The following UNC5B variants were observed in gnomAD, a reference collection of about 807,000 sequenced individuals.
UNC5B encodes unc-5 netrin receptor B.
A neutral mutation model predicts 103.7 loss-of-function variants in UNC5B; 56 were observed. The observed-to-expected ratio is 0.54, with a 90% CI of 0.44 to 0.67. The LOEUF (loss-of-function observed/expected upper bound fraction) is 0.67, where lower values mean the gene tolerates loss of function less well. Ranked by LOEUF, UNC5B falls within the 30% of genes least tolerant of loss-of-function variation. UNC5B has a pLI of 0.00. For missense variants in UNC5B, 1,194 were observed against 1,284.5 expected, an observed-to-expected ratio of 0.93 and a Z score of 1.08; for synonymous variants, 577 against 542.0, an observed-to-expected ratio of 1.06 and a Z score of -0.90.
chr10:71,219,982 G>A lies in UNC5B; in HGVS notation c.79+6918G>A, dbSNP rs1164251031. Among the ~76,000 whole-genome samples, 5 of 152,274 alleles carry A rather than the reference G, an allele frequency of 3.3e-5. No individual in the cohort carries two copies. The East Asian group carries it at 5.8e-4, about 18-fold the overall frequency. On this transcript the variant is annotated intron_variant, in intron 1 of 16. Coordinates refer to ENST00000335350, the MANE Select transcript of UNC5B (RefSeq NM_170744.5). ...GGGTATGTGGGCAGGGGTGCCAGCC[G>A]ACCTCTCCTTACTCTTGGGAAATTT... is the stretch of plus-strand genomic sequence containing the variant.
chr10:71,273,306 A>C (rs1057085363), intron 1 of UNC5B, among the ~76,000 whole-genome samples: 5 of 152,244 alleles, frequency 3.3e-5, no homozygotes, highest in Non-Finnish European at 7.3e-5. Context: ...GGGGAAACTG[A>C]GGCTCTGAGA....
chr10:71,255,100 C>T (rs184226454), intron 1 of UNC5B, among the ~76,000 whole-genome samples: 8 of 152,282 alleles, frequency 5.3e-5, no homozygotes, highest in East Asian at 1.9e-4. Context: ...GAATCTTTCT[C>T]GTATAATTAC....
Position 71,235,074 on chromosome 10 carries a change from C to T in UNC5B, c.79+22010C>T, listed in dbSNP as rs922834169. Among the ~76,000 whole-genome samples the T allele has an allele frequency of 6.9e-5, 10 of 144,272 alleles. No individual in the cohort carries two copies. The South Asian group carries it at 1.8e-3, about 25-fold the overall frequency. 94.6% of individuals were successfully genotyped at this position (144,272 alleles called of 152,430 possible). On this transcript the variant is annotated intron_variant, in intron 1 of 16. Coordinates refer to ENST00000335350, the MANE Select transcript of UNC5B (RefSeq NM_170744.5). Reference sequence around the variant, plus strand: ...AATGCCGGGCCCCTATTGCAGGACTCGCTGCCGCTGCCTCTGACTCTGCCT... The same window carrying T: ...AATGCCGGGCCCCTATTGCAGGACTTGCTGCCGCTGCCTCTGACTCTGCCT...
In UNC5B at chr10:71,276,853, C is replaced by T. The variant is rs1379367636; in HGVS notation, c.80-2968C>T. ...CCTCTCATTCTTCCTTATGTCCTGG[C>T]AGTCTCTGCCTCCAGGACACCTAGG... On this transcript the variant is annotated intron_variant, in intron 1 of 16. Coordinates refer to ENST00000335350, the MANE Select transcript of UNC5B (RefSeq NM_170744.5). Among the ~76,000 whole-genome samples, 5 of 149,978 alleles carry T rather than the reference C, an allele frequency of 3.3e-5. No homozygotes were observed. In the East Asian group the frequency reaches 1.0e-3, roughly 30 times the overall value.
rs368023656 is a variant in UNC5B at position 71,287,744 on chromosome 10, G to A, written c.880G>A (p.Ala294Thr). The A allele has an allele frequency of 9.3e-6, 15 of 1,612,518 alleles. No homozygotes were observed. Among genetic ancestry groups the A allele is most frequent in the Middle Eastern group, 1.6e-4 (1 of 6,078 alleles). The change falls in exon 6 of 17, where the codon GCC becomes ACC. Residue 294 changes from alanine to threonine, a missense_variant. By Grantham distance (58) the Ala-to-Thr change is moderately conservative. Transcript: ENST00000335350. The stretch of plus-strand genomic sequence containing the variant: ...CGAGGGCCAGGCATTCCAGAAGACC[G>A]CCTGCACCACCATCTGCCCAGGTAA... ...FCEGQAFQKT[A>T]CTTICPVDGA... is the part of the protein sequence containing the mutation.
At chr10:71,268,474 G>GCTGGAGGTGAAGGGTCCCCGA (rs1161428736) in intron 1 of UNC5B, among the ~76,000 whole-genome samples, 3 of 152,046 alleles carry the variant, frequency 2.0e-5, no homozygotes, top group Non-Finnish European at 4.4e-5. Context: ...AGGGTCCCCA[G>GCTGGAGGTGAAGGGTCCCCGA]CTGGAGGTGA....
At chr10:71,227,677 CAT>C (rs199549561) in intron 1 of UNC5B, among the ~76,000 whole-genome samples, 2,935 of 143,404 alleles carry the variant, frequency 0.02, 122 homozygotes, top group African/African-American at 0.073. Flanking sequence ...CACATATATA[CAT>C]ATATATACAC....
At chr10:71,295,525 G>C (rs546560727) in intron 13 of UNC5B, among the ~76,000 whole-genome samples, 15 of 152,134 alleles carry the variant, frequency 9.9e-5, no homozygotes, top group Non-Finnish European at 1.9e-4. Flanking sequence ...ATATTCATCT[G>C]TCTGTCTTTC....
rs1049555384 is a variant in UNC5B, at chr10:71,298,095, G to A, written c.2672+5G>A. The A allele has an allele frequency of 6.3e-7, 1 of 1,598,454 alleles. No individual in the cohort carries two copies. Among genetic ancestry groups the A allele is most frequent in the Non-Finnish European group, 8.5e-7 (1 of 1,172,888 alleles). On this transcript the variant is annotated splice_donor_5th_base_variant and intron_variant, in intron 16 of 16. Coordinates refer to ENST00000335350, the MANE Select transcript of UNC5B (RefSeq NM_170744.5). ...ACAGAAGCTCTCTATGGACCGGTGAGTATCCCAAACCACAGCCCATCCCCA... is the reference window on the plus strand; with the variant it reads ...ACAGAAGCTCTCTATGGACCGGTGAATATCCCAAACCACAGCCCATCCCCA...
At chr10:71,240,883 A>G (rs977010315) in intron 1 of UNC5B, among the ~76,000 whole-genome samples, 2 of 152,234 alleles carry the variant, frequency 1.3e-5, no homozygotes, top group African/African-American at 4.8e-5. Context: ...GCCAAGAAGA[A>G]GACTTTAATA....
Position 71,233,791 on chromosome 10 carries a change from C to A in UNC5B, c.79+20727C>A, listed in dbSNP as rs553219871. On this transcript the variant is annotated intron_variant, in intron 1 of 16. Coordinates refer to ENST00000335350, the MANE Select transcript of UNC5B (RefSeq NM_170744.5). ...TCCCCAGCACCAGACAGAAGCCTTT[C>A]CTTCTTTGTCAGGACCCTTGCTGGC... Among the ~76,000 whole-genome samples the A allele has an allele frequency of 5.6e-3, 854 of 152,336 alleles. 5 individuals are homozygous for A. The highest frequency in any genetic ancestry group is 9.0e-3 in the Non-Finnish European group (611 of 68,028).
At chr10:71,256,413 C>T (rs898944360) in intron 1 of UNC5B, among the ~76,000 whole-genome samples, 8 of 152,246 alleles carry the variant, frequency 5.3e-5, no homozygotes, top group Admixed American at 1.3e-4. Flanking sequence ...TGCCTGGGCC[C>T]AGTGTACTTA....
intron 1 of UNC5B, among the ~76,000 whole-genome samples, chr10:71,258,119 C>A (rs371020878): frequency 6.6e-6 from 1 of 152,222 alleles, no homozygotes; most frequent in African/African-American, 2.4e-5. Context: ...ATTTTACAGG[C>A]GGAGAAACCA....
intron 2 of UNC5B, among the ~76,000 whole-genome samples, chr10:71,281,802 G>A (rs1302421693): frequency 6.6e-6 from 1 of 152,250 alleles, no homozygotes; most frequent in East Asian, 1.9e-4. Context: ...GGTAGAGCCA[G>A]GTGGCGTACA....
intron 1 of UNC5B, among the ~76,000 whole-genome samples, chr10:71,277,672 A>T (rs193138493): frequency 6.6e-6 from 1 of 152,330 alleles, no homozygotes. Flanking sequence ...GGGGGCTACC[A>T]GTTTGCCTAT....
intron 1 of UNC5B, among the ~76,000 whole-genome samples, chr10:71,270,605 G>T (rs761801853): frequency 1.7e-4 from 26 of 152,144 alleles, no homozygotes; most frequent in Admixed American, 4.6e-4. Flanking sequence ...GGAAGACCTG[G>T]GCTTGGAGAC....
rs1337208013 is a variant in UNC5B at position 71,292,480 on chromosome 10, G to C, written c.1698G>C (p.Leu566=). The change falls in exon 11 of 17, where the codon CTG becomes CTC. Residue 566 remains leucine (L), a synonymous_variant. Transcript: ENST00000335350. ...LSIPGTGVSL[L]VPNGAIPQGK... is the part of the protein sequence containing the mutation. ...CTCTCCCCCTAGGGGTCAGCTTGCT[G>C]GTGCCCAATGGAGCCATTCCCCAGG... 1 of 1,598,800 alleles carries C rather than the reference G, an allele frequency of 6.3e-7. No individual in the cohort carries two copies. The highest frequency in any genetic ancestry group is 2.2e-5 in the East Asian group (1 of 44,586).
At chr10:71,262,354 C>T (rs1216006586) in intron 1 of UNC5B, among the ~76,000 whole-genome samples, 1 of 149,048 alleles carries the variant, frequency 6.7e-6, no homozygotes, top group Non-Finnish European at 1.5e-5. Context: ...CCTGTGTAGG[C>T]AGAGAGAGAC....
At chr10:71,277,796 C>T (rs188581181) in intron 1 of UNC5B, among the ~76,000 whole-genome samples, 60 of 152,350 alleles carry the variant, frequency 3.9e-4, no homozygotes, top group East Asian at 1.5e-3. Flanking sequence ...CGGGTGGCCT[C>T]GGGCAAGTCA....
Sources: allele counts gnomAD v4.1 joint callset (sites outside exome capture counted in the v4.1 genomes callset), GRCh38; gene constraint gnomAD v4.1.1; transcripts MANE v1.5; gene names NCBI Gene and HGNC (gene_info 2026-07-23, HGNC 2026-07-21).